The following CUX2 variants were observed in gnomAD, a reference collection of about 807,000 sequenced individuals.
CUX2 encodes homeobox protein cut-like 2.
A neutral mutation model predicts 144.8 loss-of-function variants in CUX2; 40 were observed. The ratio of observed to expected loss-of-function variants is 0.28; its 90% CI spans 0.21 to 0.36. CUX2 has a LOEUF of 0.36. Ranked by LOEUF, CUX2 falls within the 10% of genes least tolerant of loss-of-function variation. The pLI is 1.00. For synonymous variants in CUX2, 827 were observed against 875.6 expected (o/e 0.94, Z 0.98); for missense variants, 1,615 against 1,994.0 (o/e 0.81, Z 3.62).
Position 111,186,292 on chromosome 12 carries a change from G to A in CUX2, c.64-27908G>A, listed in dbSNP as rs936862988. ...GGGGACCAGCTGTGTACTGAGCCAG[G>A]TGCTGGGAATAGGAGGCAGGAATGT... On this transcript the variant is annotated intron_variant, in intron 1 of 21. Transcript: ENST00000261726. This position sits in a 1 kb window ranked among gnomAD's most constrained non-coding sequence, Gnocchi z 4.4. Among the ~76,000 whole-genome samples, 5 of 152,172 alleles carry A rather than the reference G, an allele frequency of 3.3e-5. No homozygotes were observed. The highest frequency in any genetic ancestry group is 9.7e-5 in the African/African-American group (4 of 41,442).
chr12:111,306,434 G>C (rs1171021859), intron 10 of CUX2, among the ~76,000 whole-genome samples: 1 of 151,968 alleles, frequency 6.6e-6, no homozygotes, highest in Non-Finnish European at 1.5e-5. Flanking sequence ...CCAGGACAGA[G>C]GGTCCATTTC....
At chr12:111,056,753 C>T (rs1870546356) in intron 1 of CUX2, among the ~76,000 whole-genome samples, 1 of 152,092 alleles carries the variant, frequency 6.6e-6, no homozygotes, top group Non-Finnish European at 1.5e-5. Context: ...GCCTTGGTGG[C>T]GAGGGATATT....
rs564990702 is a variant in CUX2, at chr12:111,313,796, C to T, written c.2002+1595C>T. 1.6e-3 allele frequency among the ~76,000 whole-genome samples: 242 copies of T among 152,290 alleles called. 1 individual carries two copies. Among genetic ancestry groups the T allele is most frequent in the Middle Eastern group, 3.4e-3 (1 of 294 alleles). ...TGTTGCAGTTCTGCGCTGTCACAAACGACTCTGCTGGTGTGGCTGTCCCTC... is the reference window on the plus strand; with the variant it reads ...TGTTGCAGTTCTGCGCTGTCACAAATGACTCTGCTGGTGTGGCTGTCCCTC... On this transcript the variant is annotated intron_variant, in intron 16 of 21. Coordinates refer to ENST00000261726, the MANE Select transcript of CUX2 (RefSeq NM_015267.4).
intron 1 of CUX2, among the ~76,000 whole-genome samples, chr12:111,098,944 C>T (rs1055004561): frequency 6.6e-6 from 1 of 152,326 alleles, no homozygotes; most frequent in East Asian, 1.9e-4. Context: ...CAGACAGGAA[C>T]GGCCAGAAGT....
At chr12:111,152,645 T>C (rs1464105651) in intron 1 of CUX2, among the ~76,000 whole-genome samples, 2 of 152,248 alleles carry the variant, frequency 1.3e-5, no homozygotes, top group Non-Finnish European at 2.9e-5. Flanking sequence ...CAATGTCTGT[T>C]ATTGGGCCTG....
At chr12:111,064,941 A>C (rs949130319) in intron 1 of CUX2, among the ~76,000 whole-genome samples, 1 of 152,232 alleles carries the variant, frequency 6.6e-6, no homozygotes, top group African/African-American at 2.4e-5. Flanking sequence ...TAAAGACCTA[A>C]GAGTTGCTAA....
intron 8 of CUX2, 145 bp from the exon 9 acceptor site, chr12:111,298,396 C>A: frequency 1.3e-6 from 1 of 763,116 alleles, no homozygotes; most frequent in Non-Finnish European, 2.1e-6. Flanking sequence ...GAAGCCTAGG[C>A]TCTTTTCTCC....
At chr12:111,234,776 T>C (rs1882653532) in intron 3 of CUX2, among the ~76,000 whole-genome samples, 1 of 150,786 alleles carries the variant, frequency 6.6e-6, no homozygotes, top group Non-Finnish European at 1.5e-5. Context: ...TAGAGTGCAG[T>C]GGCGTGATCT....
At position 111,059,030 on chromosome 12, in the gene CUX2, C is replaced by T. The variant is rs1213590971; in HGVS notation, c.63+24790C>T. Among the ~76,000 whole-genome samples, 1 of 152,248 alleles carries T rather than the reference C, an allele frequency of 6.6e-6. No homozygotes were observed. The highest frequency in any genetic ancestry group is 1.5e-5 in the Non-Finnish European group (1 of 68,048). On this transcript the variant is annotated intron_variant, in intron 1 of 21. Coordinates refer to ENST00000261726, the MANE Select transcript of CUX2 (RefSeq NM_015267.4). The surrounding 1 kb of genome is among the most constrained non-coding windows in gnomAD (Gnocchi z 5.3). ...CTCCAAATATTGGGATATCTGGACA[C>T]TCCCAAGTCTGGGTGTGTTTAGTAA...
At chr12:111,225,646 G>T (rs531944448) in intron 3 of CUX2, among the ~76,000 whole-genome samples, 1 of 152,322 alleles carries the variant, frequency 6.6e-6, no homozygotes, top group Non-Finnish European at 1.5e-5. Context: ...GGTGCAGAAG[G>T]AGCTGAGGAT....
At chr12:111,222,717 A>G (rs1184032743) in intron 3 of CUX2, among the ~76,000 whole-genome samples, 1 of 152,166 alleles carries the variant, frequency 6.6e-6, no homozygotes, top group East Asian at 1.9e-4. Flanking sequence ...AGATTCAGTG[A>G]CATTCTGTGT....
At chr12:111,086,078 G>A (rs1026490509) in intron 1 of CUX2, among the ~76,000 whole-genome samples, 5 of 152,228 alleles carry the variant, frequency 3.3e-5, no homozygotes, top group African/African-American at 1.2e-4. Flanking sequence ...AGTTAACTTT[G>A]AAGCAACACA....
At chr12:111,093,572 C>G (rs1872655226) in intron 1 of CUX2, among the ~76,000 whole-genome samples, 1 of 152,062 alleles carries the variant, frequency 6.6e-6, no homozygotes, top group Non-Finnish European at 1.5e-5. Flanking sequence ...CAGCTGGAAC[C>G]GGCAGCTCCA....
chr12:111,335,491 A>G (rs1358195374), intron 19 of CUX2, among the ~76,000 whole-genome samples: 1 of 152,020 alleles, frequency 6.6e-6, no homozygotes, highest in Non-Finnish European at 1.5e-5. Context: ...CAGGCGAATC[A>G]CCTCAGGTCA....
intron 3 of CUX2, among the ~76,000 whole-genome samples, chr12:111,231,709 T>C (rs1882469335): frequency 1.3e-5 from 2 of 152,294 alleles, no homozygotes; most frequent in Admixed American, 1.3e-4. Flanking sequence ...AAAATAATAG[T>C]ACAACAATTA....
intron 1 of CUX2, among the ~76,000 whole-genome samples, chr12:111,147,622 G>A (rs112765772): frequency 0.01 from 1,540 of 152,322 alleles, 32 homozygotes; most frequent in African/African-American, 0.036. Flanking sequence ...ATGGAGCAGG[G>A]TGTGATAACA....
chr12:111,098,975 G>A (rs999620983), intron 1 of CUX2, among the ~76,000 whole-genome samples: 1 of 152,246 alleles, frequency 6.6e-6, no homozygotes, highest in Non-Finnish European at 1.5e-5. Flanking sequence ...GAACCAGCCT[G>A]AGAAGAGCTG....
In CUX2 at chr12:111,090,963, C is replaced by T. The variant is rs114408205; in HGVS notation, c.63+56723C>T. ...CATTGATGGAGCACCTACTGTGTGCCGAGGCTCCCTGTGTGCTTCTCCTTG... is the reference window on the plus strand; with the variant it reads ...CATTGATGGAGCACCTACTGTGTGCTGAGGCTCCCTGTGTGCTTCTCCTTG... On this transcript the variant is annotated intron_variant, in intron 1 of 21. Coordinates refer to ENST00000261726, the MANE Select transcript of CUX2 (RefSeq NM_015267.4). Among the ~76,000 whole-genome samples, 818 of 152,180 alleles carry T rather than the reference C, an allele frequency of 5.4e-3. 10 individuals carry two copies. Among genetic ancestry groups the T allele is most frequent in the African/African-American group, 0.018 (768 of 41,532 alleles).
chr12:111,225,887 T>G (rs1180428728), intron 3 of CUX2, among the ~76,000 whole-genome samples: 1 of 152,210 alleles, frequency 6.6e-6, no homozygotes. Flanking sequence ...ACAAGAGTGT[T>G]GCTTGCAGCT....
Sources: allele counts gnomAD v4.1 joint callset (sites outside exome capture counted in the v4.1 genomes callset), GRCh38; gene constraint gnomAD v4.1.1; non-coding constraint Gnocchi (gnomAD v3.1); transcripts MANE v1.5; gene names NCBI Gene and HGNC (gene_info 2026-07-23, HGNC 2026-07-21).